Variants in ZNF569 observed in about 807,000 individuals in gnomAD.
ZNF569 encodes DNA-binding protein.
Under a neutral mutation model 56.3 loss-of-function variants are expected in ZNF569, and 38 were observed. That is an observed-to-expected ratio of 0.68 (90% confidence interval 0.52 to 0.88). The LOEUF (loss-of-function observed/expected upper bound fraction) is 0.88. Among genes scored for constraint, ZNF569 ranks in the 40% least tolerant of loss-of-function variants. The pLI is 0.00. For missense variants in ZNF569, 666 were observed against 809.2 expected (o/e 0.82, Z 2.15); for synonymous variants, 241 against 262.9 (o/e 0.92, Z 0.81).
intron 3 of ZNF569, among the ~76,000 whole-genome samples, chr19:37,441,526 GGCACGT>G (rs543570419): frequency 1.1e-3 from 164 of 152,188 alleles, no homozygotes; most frequent in African/African-American, 3.5e-3. Context: ...CAGGCATGGG[GGCACGT>G]GCCTGTACTC....
intron 2 of ZNF569, among the ~76,000 whole-genome samples, chr19:37,463,447 T>C (rs2041785074): frequency 6.6e-6 from 1 of 152,234 alleles, no homozygotes; most frequent in South Asian, 2.1e-4. Flanking sequence ...CCTACTGCAC[T>C]GATAGTGGTA....
chr19:37,444,864 T>A, intron 3 of ZNF569, 43 bp downstream of exon 3: 1 of 1,504,606 alleles, frequency 6.6e-7, no homozygotes, highest in African/African-American at 1.4e-5. Flanking sequence ...TTAAATTGCA[T>A]TGGAGAGTAA....
intron 3 of ZNF569, among the ~76,000 whole-genome samples, chr19:37,428,261 C>T (rs1467006315): frequency 1.3e-5 from 2 of 152,128 alleles, no homozygotes; most frequent in Non-Finnish European, 1.5e-5. Flanking sequence ...AATTCTACCA[C>T]TTTGGGAAGC....
upstream of ZNF569, chr19:37,467,834 T>C (rs2041874223): frequency 6.6e-7 from 1 of 1,522,696 alleles, no homozygotes; most frequent in Non-Finnish European, 8.8e-7. Flanking sequence ...GTGACCATGG[T>C]CGCGTTTTAT....
chr19:37,457,945 G>A (rs550792096), intron 2 of ZNF569, among the ~76,000 whole-genome samples: 5 of 152,110 alleles, frequency 3.3e-5, no homozygotes, highest in Middle Eastern at 3.4e-3. Flanking sequence ...CGCATGGCTC[G>A]CTGCAGGCTT....
At chr19:37,458,722 T>G (rs1029219653) in intron 2 of ZNF569, among the ~76,000 whole-genome samples, 1 of 152,198 alleles carries the variant, frequency 6.6e-6, no homozygotes, top group African/African-American at 2.4e-5. Flanking sequence ...AGAAAAGATG[T>G]GCAGTAATTT....
chr19:37,419,441 G>C (rs2040991726), intron 5 of ZNF569, among the ~76,000 whole-genome samples: 1 of 152,168 alleles, frequency 6.6e-6, no homozygotes. Flanking sequence ...AGTTATGTTG[G>C]CTGGGTGCGG....
intron 3 of ZNF569, among the ~76,000 whole-genome samples, chr19:37,429,573 C>T (rs1016008656): frequency 8.5e-5 from 13 of 152,298 alleles, no homozygotes; most frequent in Middle Eastern, 3.4e-3. Flanking sequence ...GGATGGTGCT[C>T]GAATCCTCTT....
At position 37,419,917 on chromosome 19, in the gene ZNF569, G is replaced by A. The variant is rs1200827696; in HGVS notation, c.239-5498C>T. The stretch of plus-strand genomic sequence containing the variant: ...GTTGATGGCTGCTGACTAATCAAGG[G>A]GGGATTACAGAAAGTTGGGGTGGCT... On this transcript the variant is annotated intron_variant, in intron 5 of 5. Transcript: ENST00000316950. Among the ~76,000 whole-genome samples the A allele has an allele frequency of 6.6e-5, 10 of 151,574 alleles. No homozygotes were observed. The East Asian group carries it at 1.7e-3, about 26-fold the overall frequency.
At chr19:37,467,729 T>C, upstream of ZNF569, 1 of 682,854 alleles carries the variant, frequency 1.5e-6, no homozygotes, top group Admixed American at 2.1e-5. Context: ...TGACTGTATG[T>C]GTGAAACTTC....
chr19:37,469,244 A>T (rs1161055306), upstream of ZNF569: 2 of 1,378,862 alleles, frequency 1.5e-6, no homozygotes, highest in Non-Finnish European at 1.9e-6. Context: ...CGCTGCTGCC[A>T]GACACTGCGA....
rs1281061848 is a variant in ZNF569, at chr19:37,412,141, T to G, written c.*456A>C. The G allele has an allele frequency of 6.5e-6, 1 of 153,036 alleles. No homozygotes were observed. Among genetic ancestry groups the G allele is most frequent in the Non-Finnish European group, 1.5e-5 (1 of 68,454 alleles). The allele number at this position is 153,036 out of a possible 1,614,324, so 9.5% of individuals were successfully genotyped here. A position where few individuals can be genotyped will look rare whatever the true frequency, so the allele number is the denominator to read the frequency against. On this transcript the variant is annotated 3_prime_UTR_variant, in exon 6 of 6. Coordinates refer to ENST00000316950, the MANE Select transcript of ZNF569 (RefSeq NM_152484.3). The stretch of plus-strand genomic sequence containing the variant: ...AGACAAAATATCATTTTTCAGGTGT[T>G]CTTTTGTGCCTTTCAACATATTTTA...
rs536022155 is a variant in ZNF569, at chr19:37,447,291, A to G, written c.-43-2327T>C. Among the ~76,000 whole-genome samples the G allele has an allele frequency of 2.0e-5, 3 of 152,350 alleles. No homozygotes were observed. In the East Asian group the frequency reaches 5.8e-4, roughly 29 times the overall value. Reference sequence around the variant, plus strand: ...CATTACAGGAAAAAGATACTTGCACATGCATGTTTATAGCAGCACAATTCG... The same window carrying G: ...CATTACAGGAAAAAGATACTTGCACGTGCATGTTTATAGCAGCACAATTCG... On this transcript the variant is annotated intron_variant, in intron 2 of 5. Transcript: ENST00000316950.
intron 3 of ZNF569, among the ~76,000 whole-genome samples, chr19:37,439,603 C>T (rs2041370553): frequency 6.6e-6 from 1 of 152,166 alleles, no homozygotes; most frequent in Non-Finnish European, 1.5e-5. Context: ...ATCTGTACTC[C>T]CTTATTTATT....
chr19:37,453,441 C>A (rs2041626098), intron 2 of ZNF569, among the ~76,000 whole-genome samples: 1 of 152,134 alleles, frequency 6.6e-6, no homozygotes, highest in Non-Finnish European at 1.5e-5. Flanking sequence ...GATGTCACCC[C>A]CCACTCCTTC....
At chr19:37,444,307 C>T (rs1203824055) in intron 3 of ZNF569, among the ~76,000 whole-genome samples, 2 of 152,110 alleles carry the variant, frequency 1.3e-5, no homozygotes, top group Non-Finnish European at 2.9e-5. Context: ...ATGATATATA[C>T]TTTTTTGTTT....
At chr19:37,418,110 TA>T (rs1263491695) in intron 5 of ZNF569, among the ~76,000 whole-genome samples, 1 of 148,404 alleles carries the variant, frequency 6.7e-6, no homozygotes, top group African/African-American at 2.5e-5. Flanking sequence ...CAAATAATAA[TA>T]ATAATAATAA....
At chr19:37,446,733 A>C (rs2146944944) in intron 2 of ZNF569, among the ~76,000 whole-genome samples, 1 of 152,256 alleles carries the variant, frequency 6.6e-6, no homozygotes, top group African/African-American at 2.4e-5. Flanking sequence ...AGAACCGAAA[A>C]GCAAACACAA....
intron 3 of ZNF569, among the ~76,000 whole-genome samples, chr19:37,444,359 G>C (rs899433563): frequency 2.6e-5 from 4 of 152,028 alleles, no homozygotes; most frequent in Non-Finnish European, 5.9e-5. Flanking sequence ...TATCCATGTT[G>C]GTTGTTGCGT....
Sources: gnomAD v4.1 joint callset for allele counts (sites outside exome capture counted in the v4.1 genomes callset) on GRCh38, gnomAD v4.1.1 for gene constraint, MANE v1.5 for transcripts, NCBI Gene and HGNC (gene_info 2026-07-23, HGNC 2026-07-21) for gene names.